Variants in LPP observed in about 807,000 individuals in gnomAD.
The protein encoded by LPP is LIM domain containing preferred translocation partner in lipoma.
A neutral mutation model predicts 60.4 loss-of-function variants in LPP; 38 were observed. That is an observed-to-expected ratio of 0.63 (90% CI 0.49 to 0.83). LPP has a LOEUF of 0.83. LPP is among the 40% of genes least tolerant of loss of function. LPP has a pLI of 0.00. For synonymous variants in LPP, 328 were observed against 290.8 expected, an observed-to-expected ratio of 1.13 and a Z score of -1.30; for missense variants, 902 against 783.6, an observed-to-expected ratio of 1.15 and a Z score of -1.80.
chr3:188,437,759 T>C (rs1792712196), intron 4 of LPP, among the ~76,000 whole-genome samples: 1 of 152,186 alleles, frequency 6.6e-6, no homozygotes, highest in South Asian at 2.1e-4. Context: ...GTTATTTCAC[T>C]GCTTTAAGTG....
At chr3:188,322,264 A>C (rs2060793690) in intron 2 of LPP, among the ~76,000 whole-genome samples, 1 of 152,140 alleles carries the variant, frequency 6.6e-6, no homozygotes, top group Non-Finnish European at 1.5e-5. Context: ...ATTATGCTTC[A>C]TTGTGAACCA....
chr3:188,663,279 T>C (rs538041286), intron 7 of LPP, among the ~76,000 whole-genome samples: 8 of 152,290 alleles, frequency 5.3e-5, no homozygotes, highest in African/African-American at 1.9e-4. Context: ...CATTTACAGC[T>C]TTGTATTTCC....
chr3:188,621,589 A>G (rs184588791), intron 7 of LPP, among the ~76,000 whole-genome samples: 6 of 152,224 alleles, frequency 3.9e-5, no homozygotes, highest in Admixed American at 2.6e-4. Context: ...TATGTTCTTC[A>G]TCTTTCTACC....
intron 9 of LPP, among the ~76,000 whole-genome samples, chr3:188,785,422 CATATATATATTCCATCAT>C (rs1260926234): frequency 6.4e-4 from 7 of 10,970 alleles, no homozygotes; most frequent in Admixed American, 1.6e-3. Flanking sequence ...TATATTCCAT[CATATATATATTCCATCAT>C]ATATATATAT....
chr3:188,363,664 T>C (rs1770206401), intron 3 of LPP, among the ~76,000 whole-genome samples: 1 of 152,116 alleles, frequency 6.6e-6, no homozygotes, highest in Non-Finnish European at 1.5e-5. Flanking sequence ...CCCAGCACTT[T>C]GGGAGGCCAA....
Position 188,436,082 on chromosome 3 carries a change from A to G in LPP, c.193+29769A>G, listed in dbSNP as rs368609433. On this transcript the variant is annotated intron_variant, in intron 4 of 11. Coordinates refer to ENST00000617246, the MANE Select transcript of LPP (RefSeq NM_001375462.1). ...ATATGGTGTTTTACATTCATAGCAC[A>G]CACATTACTTTATTTGATCCTTGGA... Among the ~76,000 whole-genome samples the G allele has an allele frequency of 6.2e-4, 95 of 152,328 alleles. 3 individuals are homozygous for G. In the South Asian group the frequency reaches 0.018, roughly 29 times the overall value.
rs58700818 is a variant in LPP at position 188,490,751 on chromosome 3, A to ATTTT, written c.306+6065_306+6068dup. On this transcript the variant is annotated intron_variant, in intron 5 of 11. Coordinates refer to ENST00000617246, the MANE Select transcript of LPP (RefSeq NM_001375462.1). ...AAGTTTTAGCAAAACTGGCACTGGA[A>ATTTT]TTTTTTTTTTTTTTTTTTTTTGGGA... 5.3e-4 allele frequency among the ~76,000 whole-genome samples: 49 copies of ATTTT among 91,682 alleles called. 7 individuals are homozygous for ATTTT. Among genetic ancestry groups the ATTTT allele is most frequent in the African/African-American group, 6.3e-4 (16 of 25,380 alleles). 60.1% of individuals were successfully genotyped at this position (91,682 alleles called of 152,430 possible). A position where few individuals can be genotyped will look rare whatever the true frequency, so the allele number is the denominator to read the frequency against.
At chr3:188,288,711 C>A (rs1410761673) in intron 2 of LPP, among the ~76,000 whole-genome samples, 7 of 152,090 alleles carry the variant, frequency 4.6e-5, no homozygotes, top group Non-Finnish European at 8.8e-5. Flanking sequence ...TGTACTCTTG[C>A]ATTTGTTTTT....
intron 9 of LPP, among the ~76,000 whole-genome samples, chr3:188,845,950 T>G (rs1403912034): frequency 6.6e-6 from 1 of 152,250 alleles, no homozygotes; most frequent in African/African-American, 2.4e-5. Flanking sequence ...TGCTTTCCCC[T>G]GTGATGTCCA....
intron 5 of LPP, among the ~76,000 whole-genome samples, chr3:188,524,438 A>C (rs1819881471): frequency 6.6e-6 from 1 of 152,196 alleles, no homozygotes. Flanking sequence ...CTGCTAAATA[A>C]GTGTGTGACC....
rs190927341 is a variant in LPP, at chr3:188,489,826, C to T, written c.306+5122C>T. On this transcript the variant is annotated intron_variant, in intron 5 of 11. Coordinates refer to ENST00000617246, the MANE Select transcript of LPP (RefSeq NM_001375462.1). ...TTTATGATATCTTTGTTCGTCTTTT[C>T]TTGGTGACTTCCAGTTGACAACTTC... Among the ~76,000 whole-genome samples the T allele has an allele frequency of 1.9e-4, 29 of 152,274 alleles. 1 individual carries two copies. The highest frequency in any genetic ancestry group is 7.0e-4 in the African/African-American group (29 of 41,562).
chr3:188,156,491 A>G (rs766960345), intron 1 of LPP, among the ~76,000 whole-genome samples: 12 of 152,172 alleles, frequency 7.9e-5, no homozygotes, highest in Non-Finnish European at 1.6e-4. Flanking sequence ...ACTGGCATCG[A>G]GAAGCCCCCT....
chr3:188,514,066 T>C (rs1579527872), intron 5 of LPP, among the ~76,000 whole-genome samples: 1 of 152,344 alleles, frequency 6.6e-6, no homozygotes, highest in East Asian at 1.9e-4. Context: ...TGGTCTTGTT[T>C]AGGCTGCTTC....
chr3:188,714,945 G>A (rs11718911), intron 8 of LPP, among the ~76,000 whole-genome samples: 9,779 of 152,158 alleles, frequency 0.064, 390 homozygotes, highest in Non-Finnish European at 0.096. Flanking sequence ...TTCTTACCCA[G>A]TTCAATAAAC....
rs138646431 is a variant in LPP, at chr3:188,859,535, G to A, written c.1411-6665G>A. On this transcript the variant is annotated intron_variant, in intron 9 of 11. Coordinates refer to ENST00000617246, the MANE Select transcript of LPP (RefSeq NM_001375462.1). ...CTGCATTGAGAACCTTTGAGGGCAA[G>A]GATGGCATCTTTATCTTCCATCTCT... Among the ~76,000 whole-genome samples, 11 of 152,300 alleles carry A rather than the reference G, an allele frequency of 7.2e-5. No individual in the cohort carries two copies. The East Asian group carries it at 2.1e-3, about 29-fold the overall frequency.
intron 3 of LPP, among the ~76,000 whole-genome samples, chr3:188,393,003 G>A (rs552828531): frequency 6.8e-6 from 1 of 147,840 alleles, no homozygotes; most frequent in South Asian, 2.2e-4. Context: ...ACCCTAGTGA[G>A]TGCATTTGGA....
At chr3:188,244,877 T>G (rs1726324363) in intron 2 of LPP, among the ~76,000 whole-genome samples, 1 of 152,154 alleles carries the variant, frequency 6.6e-6, no homozygotes, top group Non-Finnish European at 1.5e-5. Context: ...CGGTATCTGG[T>G]TCATGGTAGA....
At chr3:188,514,015 C>T (rs1015156721) in intron 5 of LPP, among the ~76,000 whole-genome samples, 2 of 152,118 alleles carry the variant, frequency 1.3e-5, no homozygotes, top group African/African-American at 4.8e-5. Flanking sequence ...AAGTTGAGTT[C>T]CAGAAAGTCA....
chr3:188,826,655 A>G (rs1755601179), intron 9 of LPP, among the ~76,000 whole-genome samples: 1 of 151,782 alleles, frequency 6.6e-6, no homozygotes, highest in Non-Finnish European at 1.5e-5. Context: ...CCCTCCCTCA[A>G]GCTCCCCACA....
Sources: allele counts gnomAD v4.1 joint callset (sites outside exome capture counted in the v4.1 genomes callset), GRCh38; gene constraint gnomAD v4.1.1; transcripts MANE v1.5; gene names NCBI Gene and HGNC (gene_info 2026-07-23, HGNC 2026-07-21).